Variants in SYNE2 observed in about 807,000 individuals in gnomAD.
SYNE2 encodes nesprin-2.
Under a neutral mutation model 856.3 loss-of-function variants are expected in SYNE2, and 431 were observed. The ratio of observed to expected loss-of-function variants is 0.50; its 90% CI spans 0.47 to 0.55. The LOEUF is 0.55. Ranked by LOEUF, SYNE2 falls within the 20% of genes least tolerant of loss-of-function variation. The pLI is 0.00. For synonymous variants in SYNE2, 2,923 were observed against 2,872.3 expected, an observed-to-expected ratio of 1.02 and a Z score of -0.56; for missense variants, 8,129 against 8,023.2, an observed-to-expected ratio of 1.01 and a Z score of -0.50.
chr14:64,001,951 C>A lies in SYNE2; in HGVS notation c.3656C>A (p.Thr1219Lys). Residue 1219 changes from threonine (T) to lysine (K), a missense_variant, in exon 29 of 116, where the codon ACA becomes AAA. This residue lies in a region of SYNE2 where 2,422 missense variants were observed against 2,357.4 expected (regional missense o/e 1.03). Transcript: ENST00000555002. ...TLNTRMESLE[T>K]ALRLVLPVEK... ...GCACCCAGAATGGAATCTTTAGAGA[C>A]AGCACTGCGGCTTGTGTTACCTGTA... The A allele has an allele frequency of 6.2e-7, 1 of 1,614,132 alleles. No individual in the cohort carries two copies. The highest frequency in any genetic ancestry group is 8.5e-7 in the Non-Finnish European group (1 of 1,180,000).
intron 1 of SYNE2, among the ~76,000 whole-genome samples, chr14:63,820,443 T>C (rs560742542): frequency 5.3e-5 from 8 of 152,288 alleles, no homozygotes; most frequent in African/African-American, 1.2e-4. Flanking sequence ...CCTAAAACTA[T>C]AAACATTTAG....
At chr14:63,900,138 G>A (rs2095316243) in intron 1 of SYNE2, among the ~76,000 whole-genome samples, 1 of 152,164 alleles carries the variant, frequency 6.6e-6, no homozygotes, top group African/African-American at 2.4e-5. Context: ...TCTGATCATG[G>A]GTTAAGTGGG....
At chr14:64,090,515 A>C (rs1595450425) in intron 59 of SYNE2, among the ~76,000 whole-genome samples, 1 of 152,242 alleles carries the variant, frequency 6.6e-6, no homozygotes, top group African/African-American at 2.4e-5. Flanking sequence ...TGCTAGGTGT[A>C]GTTGCTACGA....
intron 23 of SYNE2, 115 bp from the exon 24 acceptor site, chr14:63,996,832 T>C (rs898114034): frequency 1.6e-5 from 15 of 942,752 alleles, no homozygotes; most frequent in African/African-American, 1.3e-4. Flanking sequence ...AGCATGTAGA[T>C]GGCCTATACA....
intron 57 of SYNE2, among the ~76,000 whole-genome samples, chr14:64,083,245 T>A (rs1475957948): frequency 6.6e-6 from 1 of 152,108 alleles, no homozygotes; most frequent in Non-Finnish European, 1.5e-5. Flanking sequence ...GCTTGTGATT[T>A]TTTTTGCCTT....
intron 1 of SYNE2, among the ~76,000 whole-genome samples, chr14:63,780,619 T>A (rs1887273452): frequency 6.6e-6 from 1 of 152,190 alleles, no homozygotes; most frequent in Non-Finnish European, 1.5e-5. Context: ...GGACTCTGAA[T>A]GGACATAAAA....
intron 51 of SYNE2, among the ~76,000 whole-genome samples, 159 bp from the exon 52 acceptor site, chr14:64,070,486 G>A (rs2097397356): frequency 1.3e-5 from 2 of 152,204 alleles, no homozygotes; most frequent in African/African-American, 2.4e-5. Flanking sequence ...ATGGGATTCT[G>A]ATAGTAGAGG....
Position 64,221,621 on chromosome 14 carries a change from G to A in SYNE2, c.20107G>A (p.Ala6703Thr), listed in dbSNP as rs1168984372. 1 of 1,614,172 alleles carries A rather than the reference G, an allele frequency of 6.2e-7. No individual in the cohort carries two copies. Among genetic ancestry groups the A allele is most frequent in the Non-Finnish European group, 8.5e-7 (1 of 1,180,030 alleles). The change falls in exon 112 of 116, where the codon GCC becomes ACC. Residue 6703 changes from alanine to threonine, a missense_variant. Around this residue, in one of 3 missense-constraint regions of SYNE2, gnomAD observed 5,410 missense variants for 5,284.8 expected, o/e 1.02. Transcript: ENST00000555002. ...SQNLLLWLAS[A>T]KNRRQKAHVT... Reference sequence around the variant, plus strand: ...AAATCTGCTGCTGTGGTTAGCGAGTGCCAAGAACCGGAGGCAGAAGGCTCA... The same window carrying A: ...AAATCTGCTGCTGTGGTTAGCGAGTACCAAGAACCGGAGGCAGAAGGCTCA...
Position 64,091,034 on chromosome 14 carries a change from A to T in SYNE2, c.11962A>T (p.Asn3988Tyr), listed in dbSNP as rs1446693587. 1 of 1,614,040 alleles carries T rather than the reference A, an allele frequency of 6.2e-7. No individual in the cohort carries two copies. The highest frequency in any genetic ancestry group is 1.1e-5 in the South Asian group (1 of 91,082). Residue 3988 changes from asparagine (N) to tyrosine (Y), a missense_variant, in exon 60 of 116, where the codon AAT (asparagine) becomes TAT (tyrosine). By Grantham distance (143) the Asn-to-Tyr change is moderately radical. Coordinates refer to ENST00000555002, the MANE Select transcript of SYNE2 (RefSeq NM_182914.3). ...KLLENVTQEQ[N>Y]ELLKVVIKQT... is the part of the protein sequence containing the mutation. ...ATTGGAAAATGTGACTCAAGAACAA[A>T]ATGAGTTATTAAAGGTAAGCAGTTT... is the stretch of plus-strand genomic sequence containing the variant.
intron 1 of SYNE2, among the ~76,000 whole-genome samples, chr14:63,876,273 G>T (rs941796483): frequency 6.7e-6 from 1 of 149,180 alleles, no homozygotes; most frequent in African/African-American, 2.5e-5. Context: ...AAAAGTTAGC[G>T]GGGTGTGTTG....
intron 45 of SYNE2, among the ~76,000 whole-genome samples, chr14:64,038,183 C>T (rs1214258671): frequency 2.0e-4 from 30 of 151,790 alleles, no homozygotes; most frequent in Admixed American, 1.6e-3. Context: ...GGCAGAGACG[C>T]TCCCCACATC....
Position 64,013,113 on chromosome 14 carries a change from C to G in SYNE2, c.4728+2997C>G, listed in dbSNP as rs368005455. On this transcript the variant is annotated intron_variant, in intron 32 of 115. Coordinates refer to ENST00000555002, the MANE Select transcript of SYNE2 (RefSeq NM_182914.3). Reference sequence around the variant, plus strand: ...TTCCCTTTATTTTACTCCTTCCATTCGCTGTAAAACAAAACCCATAGTTCT... The same window carrying G: ...TTCCCTTTATTTTACTCCTTCCATTGGCTGTAAAACAAAACCCATAGTTCT... Among the ~76,000 whole-genome samples the G allele has an allele frequency of 1.2e-4, 19 of 152,288 alleles. 1 individual carries two copies. Among genetic ancestry groups the G allele is most frequent in the African/African-American group, 4.6e-4 (19 of 41,558 alleles).
At chr14:63,772,397 CTTCTT>C (rs1886952255) in intron 1 of SYNE2, among the ~76,000 whole-genome samples, 1 of 151,282 alleles carries the variant, frequency 6.6e-6, no homozygotes, top group Admixed American at 6.6e-5. Context: ...GCAAACAGTA[CTTCTT>C]TTCTCCATCA....
intron 84 of SYNE2, among the ~76,000 whole-genome samples, chr14:64,147,874 T>G (rs2098201377): frequency 6.6e-6 from 1 of 152,196 alleles, no homozygotes; most frequent in South Asian, 2.1e-4. Flanking sequence ...TTGCACTAGT[T>G]GAAGGCAACA....
chr14:63,832,651 C>T lies in SYNE2; in HGVS notation c.-304-19850C>T, dbSNP rs1031856419. The stretch of plus-strand genomic sequence containing the variant: ...TGTTTATTGTCATAGAAGAAGAAAT[C>T]GTCAGAAGAAAGCCATAATTTTTAA... On this transcript the variant is annotated intron_variant, in intron 1 of 23. Transcript: ENST00000674003. 4.6e-5 allele frequency among the ~76,000 whole-genome samples: 7 copies of T among 151,992 alleles called. No homozygotes were observed. The East Asian group carries it at 9.7e-4, about 21-fold the overall frequency.
intron 11 of SYNE2, among the ~76,000 whole-genome samples, chr14:63,974,892 G>GTATCTATATATATATATATATA (rs2096527541): frequency 5.9e-5 from 4 of 67,322 alleles, no homozygotes; most frequent in Non-Finnish European, 1.2e-4. Flanking sequence ...GTGTGTGTGT[G>GTATCTATATATATATATATATA]TATATATATA....
chr14:64,221,811 T>TG (rs2098695601), intron 112 of SYNE2, 107 bp downstream of exon 112: 1 of 1,348,372 alleles, frequency 7.4e-7, no homozygotes, highest in Non-Finnish European at 1.1e-6. Flanking sequence ...GTGCCAGTGG[T>TG]GTTTGCCTGT....
chr14:63,884,920 A>G (rs536459356), intron 1 of SYNE2, among the ~76,000 whole-genome samples: 3 of 152,260 alleles, frequency 2.0e-5, no homozygotes, highest in East Asian at 1.9e-4. Context: ...GATTACAGGC[A>G]GGAGCCACCG....
intron 83 of SYNE2, 52 bp downstream of exon 83, chr14:64,144,000 C>G: frequency 6.2e-7 from 1 of 1,607,750 alleles, no homozygotes; most frequent in Non-Finnish European, 8.5e-7. Flanking sequence ...ATGAAACACA[C>G]TTTCTGAAAA....
Sources: allele counts gnomAD v4.1 joint callset (sites outside exome capture counted in the v4.1 genomes callset), GRCh38; gene constraint gnomAD v4.1.1; regional missense constraint gnomAD v4.1.1; transcripts MANE v1.5; gene names NCBI Gene and HGNC (gene_info 2026-07-23, HGNC 2026-07-21).